SUMF1: variants seen among roughly 807,000 people sequenced by gnomAD.
SUMF1 encodes the protein sulfatase modifying factor 1.
In SUMF1, 48 loss-of-function variants were observed where a neutral mutation model predicts 47.6. The observed-to-expected ratio is 1.01, with a 90% CI of 0.80 to 1.28. SUMF1 has a LOEUF of 1.28. SUMF1 is among the 50% of genes most tolerant of loss of function. The pLI is 0.00. For synonymous variants in SUMF1, 230 were observed against 192.1 expected, an observed-to-expected ratio of 1.20 and a Z score of -1.63; for missense variants, 571 against 485.4, an observed-to-expected ratio of 1.18 and a Z score of -1.66.
intron 8 of SUMF1, among the ~76,000 whole-genome samples, chr3:4,077,589 A>T (rs912920666): frequency 6.6e-6 from 1 of 152,108 alleles, no homozygotes; most frequent in African/African-American, 2.4e-5. Context: ...TCTCACTCAT[A>T]AGTGGGAGTT....
intron 8 of SUMF1, among the ~76,000 whole-genome samples, chr3:4,274,902 A>T (rs1047014580): frequency 2.0e-5 from 3 of 152,188 alleles, no homozygotes; most frequent in Admixed American, 2.0e-4. Flanking sequence ...GAATAACACC[A>T]ATGAAAGGAG....
At chr3:4,147,156 C>G (rs1354167205) in intron 8 of SUMF1, among the ~76,000 whole-genome samples, 1 of 152,060 alleles carries the variant, frequency 6.6e-6, no homozygotes, top group African/African-American at 2.4e-5. Flanking sequence ...ATTAAAAAGT[C>G]AGGAAACAAC....
Position 4,093,543 on chromosome 3 carries a change from G to A in SUMF1, c.1015-24798C>T, listed in dbSNP as rs79259168. On this transcript the variant is annotated intron_variant and NMD_transcript_variant, in intron 8 of 12. Transcript: ENST00000448413. ...TCTAAGTCTAAAAGAATGAGTAGGA[G>A]CATACAAACACTAAACAAAAAAAAA... 6.6e-3 allele frequency among the ~76,000 whole-genome samples: 1,010 copies of A among 151,998 alleles called. 14 individuals are homozygous for A. Among genetic ancestry groups the A allele is most frequent in the African/African-American group, 0.023 (952 of 41,434 alleles).
intron 8 of SUMF1, among the ~76,000 whole-genome samples, chr3:4,161,569 A>C (rs1193436224): frequency 1.3e-5 from 2 of 151,948 alleles, no homozygotes; most frequent in African/African-American, 4.8e-5. Context: ...GTCTCTCTCC[A>C]TAGCTGTCAC....
intron 3 of SUMF1, among the ~76,000 whole-genome samples, chr3:4,435,316 G>A (rs1472087990): frequency 6.6e-6 from 1 of 152,118 alleles, no homozygotes; most frequent in Admixed American, 6.5e-5. Context: ...AGAGAAAATA[G>A]GGAACCTGAA....
At chr3:4,461,610 T>C (rs1420161876) in intron 1 of SUMF1, among the ~76,000 whole-genome samples, 1 of 152,008 alleles carries the variant, frequency 6.6e-6, no homozygotes, top group Non-Finnish European at 1.5e-5. Flanking sequence ...ATGACTTCCA[T>C]GTGAACTTCC....
At chr3:4,278,096 G>A (rs1697455875) in intron 8 of SUMF1, among the ~76,000 whole-genome samples, 1 of 151,966 alleles carries the variant, frequency 6.6e-6, no homozygotes, top group Admixed American at 6.6e-5. Flanking sequence ...AGATTTGTTT[G>A]GCTGATATTT....
Position 4,158,335 on chromosome 3 carries a change from A to T in SUMF1, c.1015-89590T>A, listed in dbSNP as rs530270839. On this transcript the variant is annotated intron_variant and NMD_transcript_variant, in intron 8 of 12. Coordinates refer to the SUMF1 transcript ENST00000448413. ...ACTTGATATGATTTCAATTGTTTTG[A>T]ATTTTTTTTGAATGTTTGCTTGTTT... 4.6e-5 allele frequency among the ~76,000 whole-genome samples: 7 copies of T among 151,566 alleles called. No homozygotes were observed. The South Asian group carries it at 1.2e-3, about 27-fold the overall frequency.
intron 8 of SUMF1, among the ~76,000 whole-genome samples, chr3:4,100,715 A>G (rs552213053): frequency 6.6e-6 from 1 of 152,212 alleles, no homozygotes; most frequent in Admixed American, 6.5e-5. Context: ...GTGAAGAGAC[A>G]ACTCACAAAT....
At chr3:4,246,489 C>T (rs1696673720) in intron 8 of SUMF1, among the ~76,000 whole-genome samples, 2 of 152,076 alleles carry the variant, frequency 1.3e-5, no homozygotes, top group South Asian at 4.2e-4. Context: ...ATAACCTCTG[C>T]CTCCCAGGTT....
chr3:4,165,109 G>T (rs557534703), intron 8 of SUMF1, among the ~76,000 whole-genome samples: 16 of 152,226 alleles, frequency 1.1e-4, no homozygotes, highest in East Asian at 9.7e-4. Context: ...CCTTTCTTCA[G>T]CTGTCATTCT....
intron 8 of SUMF1, among the ~76,000 whole-genome samples, chr3:4,068,963 G>C (rs1472504514): frequency 6.6e-6 from 1 of 152,088 alleles, no homozygotes; most frequent in East Asian, 1.9e-4. Context: ...TCTGACTACA[G>C]GGCCTGAACC....
intron 8 of SUMF1, among the ~76,000 whole-genome samples, chr3:4,289,424 G>C (rs553325078): frequency 6.6e-6 from 1 of 152,210 alleles, no homozygotes; most frequent in Non-Finnish European, 1.5e-5. Flanking sequence ...CACTGGGCCA[G>C]TGTGGTGTAA....
intron 8 of SUMF1, among the ~76,000 whole-genome samples, chr3:4,330,982 T>C (rs55677419): frequency 0.29 from 44,291 of 152,066 alleles, 7,574 homozygotes; most frequent in Non-Finnish European, 0.39. Context: ...CAGACTCTAA[T>C]ATCAATGTGC....
chr3:4,073,296 G>C (rs1034034713), intron 8 of SUMF1, among the ~76,000 whole-genome samples: 1 of 152,156 alleles, frequency 6.6e-6, no homozygotes, highest in Non-Finnish European at 1.5e-5. Flanking sequence ...GAGAGATTTT[G>C]TCACCATCAG....
intron 8 of SUMF1, among the ~76,000 whole-genome samples, chr3:4,323,248 C>T (rs190843270): frequency 6.6e-6 from 1 of 152,138 alleles, no homozygotes; most frequent in East Asian, 1.9e-4. Context: ...TATGGATGAC[C>T]CTTGAAAACA....
At chr3:4,335,366 G>A (rs1352045622) in intron 8 of SUMF1, among the ~76,000 whole-genome samples, 2 of 152,176 alleles carry the variant, frequency 1.3e-5, no homozygotes, top group African/African-American at 2.4e-5. Flanking sequence ...ATAAGGAGAA[G>A]TGATAGCCAG....
intron 8 of SUMF1, among the ~76,000 whole-genome samples, chr3:4,350,332 C>CGTGT (rs10674918): frequency 0.044 from 6,498 of 146,426 alleles, 196 homozygotes; most frequent in African/African-American, 0.072. Context: ...TGTGTATATG[C>CGTGT]GTGTGTGTGT....
intron 8 of SUMF1, among the ~76,000 whole-genome samples, chr3:4,229,756 C>CCAAGG (rs1696255793): frequency 6.6e-6 from 1 of 152,144 alleles, no homozygotes; most frequent in East Asian, 1.9e-4. Context: ...GCTCATGTCT[C>CCAAGG]TAATCCCAGC....
Sources: gnomAD v4.1 joint callset for allele counts (sites outside exome capture counted in the v4.1 genomes callset) on GRCh38, gnomAD v4.1.1 for gene constraint, MANE v1.5 for transcripts, NCBI Gene and HGNC (gene_info 2026-07-23, HGNC 2026-07-21) for gene names.